DHX9: variants seen among roughly 807,000 people sequenced by gnomAD.
DHX9 encodes ATP-dependent RNA helicase A.
Under a neutral mutation model 148.7 loss-of-function variants are expected in DHX9, and 27 were observed. That is an observed-to-expected ratio of 0.18 (90% CI 0.13 to 0.25). DHX9 has a LOEUF of 0.25. DHX9 is among the 10% of genes least tolerant of loss of function. The pLI, the probability that DHX9 is intolerant of heterozygous loss-of-function variation, is 1.00. For synonymous variants in DHX9, 529 were observed against 516.6 expected, an observed-to-expected ratio of 1.02 and a Z score of -0.33; for missense variants, 796 against 1,559.6, an observed-to-expected ratio of 0.51 and a Z score of 8.25.
chr1:182,880,770 A>C (rs902646568), intron 22 of DHX9, among the ~76,000 whole-genome samples, 162 bp downstream of exon 22: 4 of 152,210 alleles, frequency 2.6e-5, no homozygotes, highest in African/African-American at 9.6e-5. Context: ...AACACTAAAA[A>C]AATGAACAGT....
In DHX9 at chr1:182,856,152, C is replaced by T. The variant is rs989348212; in HGVS notation, c.627-380C>T. Among the ~76,000 whole-genome samples the T allele has an allele frequency of 3.9e-5, 6 of 152,154 alleles. No homozygotes were observed. In the South Asian group the frequency reaches 6.2e-4, roughly 16 times the overall value. On this transcript the variant is annotated intron_variant, in intron 6 of 27. Coordinates refer to ENST00000367549, the MANE Select transcript of DHX9 (RefSeq NM_001357.5). ...AAAGGAATCTTAAAATAATTATAACCGTAATGTAAAACATTTGGGGCCTAC... is the reference window on the plus strand; with the variant it reads ...AAAGGAATCTTAAAATAATTATAACTGTAATGTAAAACATTTGGGGCCTAC...
At chr1:182,877,923 T>C in intron 19 of DHX9, 98 bp from the exon 20 acceptor site, 2 of 1,369,980 alleles carry the variant, frequency 1.5e-6, no homozygotes, top group Non-Finnish European at 2.0e-6. Context: ...TAGGTATGGC[T>C]TTAACTACAT....
Position 182,843,288 on chromosome 1 carries a change from T to G in DHX9, c.112-6T>G. 2 of 1,553,384 alleles carry G rather than the reference T, an allele frequency of 1.3e-6. No homozygotes were observed. The highest frequency in any genetic ancestry group is 1.7e-6 in the Non-Finnish European group (2 of 1,159,194). On this transcript the variant is annotated splice_region_variant and splice_polypyrimidine_tract_variant and intron_variant, in intron 2 of 27. Transcript: ENST00000367549. The stretch of plus-strand genomic sequence containing the variant: ...AGTCTCTTAGTACTTTTTTTTTTTT[T>G]TAAAGGTTCAGGTGGAAGGTTATAA...
At chr1:182,841,420 G>C (rs760773279) in intron 1 of DHX9, among the ~76,000 whole-genome samples, 2 of 152,220 alleles carry the variant, frequency 1.3e-5, no homozygotes, top group African/African-American at 2.4e-5. Flanking sequence ...ATAGTCCTTC[G>C]TATTTCATAT....
intron 8 of DHX9, 138 bp downstream of exon 8, chr1:182,858,378 C>A: frequency 1.7e-6 from 2 of 1,144,188 alleles, no homozygotes; most frequent in Non-Finnish European, 2.5e-6. Context: ...ATCTCTGTGT[C>A]TGGCATGATG....
chr1:182,874,906 AGAC>A lies in DHX9; in HGVS notation c.1768_1770del (p.Asp590del). ...TGACCCACTTTGTTCCTCCACCAAA[AGAC>A]AAAAAGAAGAAGGATAAGGATGATG... On this transcript the variant is annotated inframe_deletion, in exon 16 of 28. Coordinates refer to ENST00000367549, the MANE Select transcript of DHX9 (RefSeq NM_001357.5). 1 of 1,613,542 alleles carries A rather than the reference AGAC, an allele frequency of 6.2e-7. No homozygotes were observed. Among genetic ancestry groups the A allele is most frequent in the African/African-American group, 1.3e-5 (1 of 75,030 alleles).
At chr1:182,882,460 T>C (rs1353632328) in intron 24 of DHX9, among the ~76,000 whole-genome samples, 1 of 152,194 alleles carries the variant, frequency 6.6e-6, no homozygotes. Context: ...TCTTAGATTA[T>C]CTCCATCTTC....
intron 20 of DHX9, among the ~76,000 whole-genome samples, 194 bp from the exon 21 acceptor site, chr1:182,879,056 C>T (rs2102617898): frequency 6.6e-6 from 1 of 152,316 alleles, no homozygotes; most frequent in African/African-American, 2.4e-5. Context: ...GAGGATAAGT[C>T]AGAAACCACT....
rs528565326 is a variant in DHX9 at position 182,856,873 on chromosome 1, G to A, written c.673+295G>A. 9.2e-5 allele frequency among the ~76,000 whole-genome samples: 14 copies of A among 152,152 alleles called. No homozygotes were observed. In the South Asian group the frequency reaches 2.7e-3, roughly 29 times the overall value. On this transcript the variant is annotated intron_variant, in intron 7 of 27. Coordinates refer to ENST00000367549, the MANE Select transcript of DHX9 (RefSeq NM_001357.5). ...TTAAACCTTTTTTGTTTTTTGAGAC[G>A]GAGTCTTGCTCTGTCGCCCAGGCTG...
At chr1:182,863,285 T>A (rs990698693) in intron 12 of DHX9, among the ~76,000 whole-genome samples, 2 of 152,198 alleles carry the variant, frequency 1.3e-5, no homozygotes, top group African/African-American at 4.8e-5. Context: ...TCTTAAGTCA[T>A]TTATGTGTCC....
At position 182,878,015 on chromosome 1, in the gene DHX9, A is replaced by G. The variant is rs201085310; in HGVS notation, c.2199-6A>G. The G allele has an allele frequency of 2.8e-5, 45 of 1,613,866 alleles. No homozygotes were observed. The highest frequency in any genetic ancestry group is 3.3e-5 in the Non-Finnish European group (39 of 1,179,946). On this transcript the variant is annotated splice_polypyrimidine_tract_variant and splice_region_variant and intron_variant, in intron 19 of 27. Coordinates refer to ENST00000367549, the MANE Select transcript of DHX9 (RefSeq NM_001357.5). ...GTCTTAGAATTAACCACTTTTTCCT[A>G]TGTAGGCAGAAAGTGAAACTCTTCA...
At chr1:182,882,990 A>G (rs1649156421) in intron 24 of DHX9, 149 bp from the exon 25 acceptor site, 1 of 552,410 alleles carries the variant, frequency 1.8e-6, no homozygotes, top group Non-Finnish European at 3.3e-6. Flanking sequence ...ATCTGGGTGT[A>G]AGGATTCTGA....
intron 17 of DHX9, 69 bp from the exon 18 acceptor site, chr1:182,876,377 AT>A: frequency 6.4e-7 from 1 of 1,560,078 alleles, no homozygotes. Flanking sequence ...GAATAAAAAT[AT>A]GTATAATGGA....
At chr1:182,851,642 T>C (rs1440135385) in intron 3 of DHX9, among the ~76,000 whole-genome samples, 1 of 152,042 alleles carries the variant, frequency 6.6e-6, no homozygotes, top group East Asian at 1.9e-4. Flanking sequence ...CTAAAACCCA[T>C]GTGGTTAGAT....
chr1:182,843,586 A>T (rs2102586965), intron 3 of DHX9, 152 bp downstream of exon 3: 1 of 741,424 alleles, frequency 1.3e-6, no homozygotes, highest in South Asian at 2.5e-5. Flanking sequence ...TCAGCACTGG[A>T]CAAAATTTCT....
intron 14 of DHX9, 53 bp downstream of exon 14, chr1:182,867,096 A>G (rs1441816514): frequency 4.6e-5 from 50 of 1,094,838 alleles, no homozygotes; most frequent in Non-Finnish European, 6.2e-5. Flanking sequence ...TTTCTAAGAG[A>G]AATCAGTAGA....
chr1:182,861,126 T>A lies in DHX9; in HGVS notation c.1332+942T>A, dbSNP rs560010995. Reference sequence around the variant, plus strand: ...CTGAAATTGAGATACATTTTTATAATTAGTATATTTGTATAATTGTATAAT... The same window carrying A: ...CTGAAATTGAGATACATTTTTATAAATAGTATATTTGTATAATTGTATAAT... On this transcript the variant is annotated intron_variant, in intron 12 of 27. Coordinates refer to ENST00000367549, the MANE Select transcript of DHX9 (RefSeq NM_001357.5). 3.3e-5 allele frequency among the ~76,000 whole-genome samples: 5 copies of A among 152,316 alleles called. No homozygotes were observed. The East Asian group carries it at 9.6e-4, about 29-fold the overall frequency.
chr1:182,867,305 T>G (rs746979362), intron 14 of DHX9, among the ~76,000 whole-genome samples: 1 of 152,256 alleles, frequency 6.6e-6, no homozygotes, highest in Non-Finnish European at 1.5e-5. Context: ...CTGGCATAAT[T>G]CAGCAATTGA....
At chr1:182,880,887 C>T (rs1649054580) in intron 22 of DHX9, among the ~76,000 whole-genome samples, 1 of 152,128 alleles carries the variant, frequency 6.6e-6, no homozygotes, top group Admixed American at 6.5e-5. Context: ...AATCCTAGCA[C>T]TTTGGGAGGC....
Sources: allele counts gnomAD v4.1 joint callset (sites outside exome capture counted in the v4.1 genomes callset), GRCh38; gene constraint gnomAD v4.1.1; transcripts MANE v1.5; gene names NCBI Gene and HGNC (gene_info 2026-07-23, HGNC 2026-07-21).